Variants in MGAM observed in about 807,000 individuals in gnomAD.
MGAM encodes maltase-glucoamylase, also known as alpha-1,4-glucosidase.
Under a neutral mutation model 358.8 loss-of-function variants are expected in MGAM, and 253 were observed. That is an observed-to-expected ratio of 0.71 (90% CI 0.64 to 0.78). The LOEUF (loss-of-function observed/expected upper bound fraction) is 0.78, where lower values mean the gene tolerates loss of function less well. Among genes scored for constraint, MGAM ranks in the 30% least tolerant of loss-of-function variants. MGAM has a pLI of 0.00. For missense variants in MGAM, 3,080 were observed against 3,432.6 expected (o/e 0.90, Z 2.57); for synonymous variants, 1,105 against 1,227.1 (o/e 0.90, Z 2.08).
At position 142,046,102 on chromosome 7, in the gene MGAM, TTATTTTTA is replaced by T. The variant is rs1235876902; in HGVS notation, c.2499-1677_2499-1670del. The stretch of plus-strand genomic sequence containing the variant: ...GAAATTTATATGTGTAATTATATAT[TTATTTTTA>T]TATTTATATATTTATTATATATTTA... On this transcript the variant is annotated intron_variant, in intron 21 of 70. Coordinates refer to ENST00000475668, the MANE Select transcript of MGAM (RefSeq NM_001365693.1). 1.1e-3 allele frequency among the ~76,000 whole-genome samples: 158 copies of T among 143,876 alleles called. 2 individuals are homozygous for T. The highest frequency in any genetic ancestry group is 3.9e-3 in the African/African-American group (153 of 39,556). The allele number at this position is 143,876 out of a possible 152,430, so 94.4% of individuals were successfully genotyped here.
chr7:142,061,690 G>A (rs1039961144), intron 34 of MGAM, among the ~76,000 whole-genome samples: 2 of 152,056 alleles, frequency 1.3e-5, no homozygotes, highest in African/African-American at 4.8e-5. Flanking sequence ...TATCATAGAG[G>A]AGGCTATTTA....
chr7:142,092,293 C>T (rs979548806), intron 58 of MGAM, among the ~76,000 whole-genome samples: 1 of 145,742 alleles, frequency 6.9e-6, no homozygotes, highest in Non-Finnish European at 1.6e-5. Context: ...CTTTCACTGC[C>T]TCACGCCCAC....
chr7:142,100,424 A>G (rs1175280140), intron 67 of MGAM, among the ~76,000 whole-genome samples: 2 of 152,230 alleles, frequency 1.3e-5, no homozygotes, highest in Non-Finnish European at 2.9e-5. Context: ...AGATTTAAAT[A>G]AAAATGAAGA....
chr7:142,021,273 T>G (rs1181354895), intron 5 of MGAM, among the ~76,000 whole-genome samples, 190 bp downstream of exon 5: 2 of 152,208 alleles, frequency 1.3e-5, no homozygotes, highest in African/African-American at 2.4e-5. Context: ...TTCCTGAATA[T>G]GTATTACAGT....
chr7:142,015,940 G>T (rs1035759695), intron 3 of MGAM, among the ~76,000 whole-genome samples: 63 of 152,048 alleles, frequency 4.1e-4, no homozygotes, highest in African/African-American at 1.5e-3. Flanking sequence ...CACACAAGTA[G>T]ATTTTCTATT....
Position 142,106,008 on chromosome 7 carries a change from T to G in MGAM, c.*117T>G. ...TCATACCCACTATTGGTGAAATATT[T>G]CTGTTAATTTTGTTATATGTTTTTT... is the stretch of plus-strand genomic sequence containing the variant. On this transcript the variant is annotated 3_prime_UTR_variant, in exon 71 of 71. Transcript: ENST00000475668. 1.2e-6 allele frequency: 1 copy of G among 817,476 alleles called. No homozygotes were observed. The highest frequency in any genetic ancestry group is 2.0e-6 in the Non-Finnish European group (1 of 504,210). The allele number at this position is 817,476 out of a possible 1,614,324, so 50.6% of individuals were successfully genotyped here.
At position 142,019,336 on chromosome 7, in the gene MGAM, C is replaced by A. The variant is rs782682290; in HGVS notation, c.448+17C>A. ...CAAATGCAGGTAAGCCAGAGTCTGC[C>A]ATGATGCAGGAGGTCCAGACCCTCT... On this transcript the variant is annotated intron_variant, in intron 4 of 70. Coordinates refer to ENST00000475668, the MANE Select transcript of MGAM (RefSeq NM_001365693.1). 41 of 1,609,912 alleles carry A rather than the reference C, an allele frequency of 2.5e-5. No individual in the cohort carries two copies. Among genetic ancestry groups the A allele is most frequent in the Non-Finnish European group, 3.1e-5 (37 of 1,179,170 alleles).
At chr7:141,988,555 G>A (rs1228227387) in intron 2 of MGAM, among the ~76,000 whole-genome samples, 2 of 152,006 alleles carry the variant, frequency 1.3e-5, no homozygotes, top group African/African-American at 2.4e-5. Flanking sequence ...AGTAGAGACG[G>A]GGTTTCACCA....
intron 10 of MGAM, 112 bp from the exon 11 acceptor site, chr7:142,030,250 A>G (rs1554462806): frequency 9.8e-6 from 11 of 1,123,156 alleles, no homozygotes; most frequent in East Asian, 2.6e-5. Context: ...TAAGAACTCT[A>G]TTTAGAGCCC....
In MGAM at chr7:142,007,610, G is replaced by T. The variant is rs551777589; in HGVS notation, c.128-896G>T. Among the ~76,000 whole-genome samples, 6 of 152,096 alleles carry T rather than the reference G, an allele frequency of 3.9e-5. No individual in the cohort carries two copies. In the South Asian group the frequency reaches 8.3e-4, roughly 21 times the overall value. Reference sequence around the variant, plus strand: ...AAAACCAATCAAAAGACACTGTTTTGTCTTAATGTCATTATTAATTTATTG... The same window carrying T: ...AAAACCAATCAAAAGACACTGTTTTTTCTTAATGTCATTATTAATTTATTG... On this transcript the variant is annotated intron_variant, in intron 2 of 70. Coordinates refer to ENST00000475668, the MANE Select transcript of MGAM (RefSeq NM_001365693.1).
Position 142,082,552 on chromosome 7 carries a change from G to A in MGAM, c.6249G>A (p.Leu2083=). The change falls in exon 52 of 71, where the codon CTG becomes CTA. Residue 2083 remains leucine, a synonymous_variant. Transcript: ENST00000475668. Reference sequence around the variant, plus strand: ...ATGGCAGTGCCCATGGAGTGCTCCTGCTGAACAGCAATGCCATGGGTAAGG... The same window carrying A: ...ATGGCAGTGCCCATGGAGTGCTCCTACTGAACAGCAATGCCATGGGTAAGG... ...EEDGSAHGVL[L]LNSNAMDVTF... is the part of the protein sequence containing the mutation. 2 of 1,524,458 alleles carry A rather than the reference G, an allele frequency of 1.3e-6. No homozygotes were observed. Among genetic ancestry groups the A allele is most frequent in the Middle Eastern group, 1.7e-4 (1 of 5,918 alleles). The allele number at this position is 1,524,458 out of a possible 1,614,324, so 94.4% of individuals were successfully genotyped here. A position where few individuals can be genotyped will look rare whatever the true frequency, so the allele number is the denominator to read the frequency against.
intron 2 of MGAM, among the ~76,000 whole-genome samples, chr7:141,987,848 A>G (rs1471868039): frequency 6.6e-5 from 10 of 152,198 alleles, no homozygotes; most frequent in African/African-American, 2.4e-4. Flanking sequence ...ATTGAAATTA[A>G]ATTAGTATGA....
At chr7:142,069,194 G>C (rs1813116658) in intron 43 of MGAM, among the ~76,000 whole-genome samples, 1 of 146,356 alleles carries the variant, frequency 6.8e-6, no homozygotes, top group South Asian at 2.2e-4. Context: ...AGGCACACAA[G>C]TGATTAGGCA....
At chr7:142,067,603 C>T (rs1333500561) in intron 42 of MGAM, among the ~76,000 whole-genome samples, 178 bp downstream of exon 42, 2 of 141,330 alleles carry the variant, frequency 1.4e-5, no homozygotes, top group African/African-American at 4.9e-5. Context: ...CACTCAGCTC[C>T]TTCATCTTTA....
In MGAM at chr7:142,032,809, G is replaced by GCTCATGTTACTTTTTCTTAATAGTTTTTT; in HGVS notation, c.1585-13_1585-12insATGTTACTTTTTCTTAATAGTTTTTTCTC. 6.4e-7 allele frequency: 1 copy of GCTCATGTTACTTTTTCTTAATAGTTTTTT among 1,558,288 alleles called. No homozygotes were observed. Among genetic ancestry groups the GCTCATGTTACTTTTTCTTAATAGTTTTTT allele is most frequent in the South Asian group, 1.2e-5 (1 of 86,526 alleles). ...ATGTTACTTTTTCTTAATAGTTTTT[G>GCTCATGTTACTTTTTCTTAATAGTTTTTT]CTCTTTGTCTTGTAGGATATGAATG... On this transcript the variant is annotated splice_polypyrimidine_tract_variant and intron_variant, in intron 13 of 70. Transcript: ENST00000475668.
chr7:142,033,346 G>A (rs1179614957), intron 14 of MGAM, among the ~76,000 whole-genome samples: 1 of 152,188 alleles, frequency 6.6e-6, no homozygotes, highest in African/African-American at 2.4e-5. Context: ...CAGAACTCAT[G>A]ACCTGGGAGG....
In MGAM at chr7:142,075,149, C is replaced by T. The variant is rs1293955671; in HGVS notation, c.5275+976C>T. ...CACTTAGTATAATGTCCTCCTAAGT[C>T]ATTCATGCTGTTGCGAATGGCAGAA... On this transcript the variant is annotated intron_variant, in intron 45 of 70. Transcript: ENST00000475668. Among the ~76,000 whole-genome samples the T allele has an allele frequency of 3.4e-5, 5 of 146,468 alleles. 1 individual carries two copies. The highest frequency in any genetic ancestry group is 7.7e-5 in the Non-Finnish European group (5 of 64,676).
upstream of MGAM, among the ~76,000 whole-genome samples, chr7:141,992,654 C>G (rs1554447562): frequency 6.6e-6 from 1 of 152,164 alleles, no homozygotes; most frequent in Non-Finnish European, 1.5e-5. Context: ...ATGATCATAG[C>G]TCACTGCAGC....
chr7:142,038,646 T>A (rs1208818883), intron 19 of MGAM, 31 bp downstream of exon 19: 5 of 1,515,734 alleles, frequency 3.3e-6, no homozygotes, highest in Non-Finnish European at 4.5e-6. Flanking sequence ...ACACTAGAGA[T>A]CTCTGCATCT....
Sources: gnomAD v4.1 joint callset for allele counts (sites outside exome capture counted in the v4.1 genomes callset) on GRCh38, gnomAD v4.1.1 for gene constraint, MANE v1.5 for transcripts, NCBI Gene and HGNC (gene_info 2026-07-23, HGNC 2026-07-21) for gene names.